CSMD1: variants seen among roughly 807,000 people sequenced by gnomAD.
CSMD1 encodes CUB and sushi domain-containing protein 1.
Under a neutral mutation model 417.5 loss-of-function variants are expected in CSMD1, and 213 were observed. The observed-to-expected ratio is 0.51, with a 90% CI of 0.46 to 0.57. CSMD1 has a LOEUF of 0.57. Among genes scored for constraint, CSMD1 ranks in the 20% least tolerant of loss-of-function variants. The pLI is 0.00. For synonymous variants in CSMD1, 2,862 were observed against 1,736.8 expected, an observed-to-expected ratio of 1.65 and a Z score of -16.11; for missense variants, 6,923 against 4,529.7, an observed-to-expected ratio of 1.53 and a Z score of -15.17.
intron 23 of CSMD1, among the ~76,000 whole-genome samples, chr8:3,313,126 G>A (rs1805479956): frequency 1.3e-5 from 2 of 152,130 alleles, no homozygotes; most frequent in South Asian, 2.1e-4. Context: ...ATCTCAGATG[G>A]ATTAAAGACT....
chr8:4,304,819 G>A (rs762260350), intron 3 of CSMD1, among the ~76,000 whole-genome samples: 1 of 152,146 alleles, frequency 6.6e-6, no homozygotes, highest in Non-Finnish European at 1.5e-5. Context: ...AGGTCATTCA[G>A]AAAACCACTG....
chr8:4,668,703 G>A (rs1206977826), intron 1 of CSMD1, among the ~76,000 whole-genome samples: 2 of 151,898 alleles, frequency 1.3e-5, no homozygotes, highest in Non-Finnish European at 1.5e-5. Context: ...CCCCGCGTCA[G>A]CCTCCCAAAA....
chr8:3,175,523 T>G lies in CSMD1; in HGVS notation c.5725+5587A>C, dbSNP rs545196634. Among the ~76,000 whole-genome samples the G allele has an allele frequency of 2.7e-3, 377 of 142,200 alleles. 2 individuals carry two copies. The highest frequency in any genetic ancestry group is 3.4e-3 in the Non-Finnish European group (217 of 63,858). 93.3% of individuals were successfully genotyped at this position (142,200 alleles called of 152,430 possible). On this transcript the variant is annotated intron_variant, in intron 37 of 69. Coordinates refer to ENST00000635120, the MANE Select transcript of CSMD1 (RefSeq NM_033225.6). ...TGCCTGCCTGCCTTTTTTCCTTCCT[T>G]CCTTCCTTCCTTCTTCCCTCCCTCC...
At chr8:4,287,910 A>G (rs1563393562) in intron 3 of CSMD1, among the ~76,000 whole-genome samples, 2 of 152,100 alleles carry the variant, frequency 1.3e-5, no homozygotes, top group African/African-American at 4.8e-5. Context: ...TTAAGCCATC[A>G]CATATCTATG....
At chr8:4,329,398 C>T (rs545157334) in intron 3 of CSMD1, among the ~76,000 whole-genome samples, 7 of 152,162 alleles carry the variant, frequency 4.6e-5, no homozygotes, top group Non-Finnish European at 7.4e-5. Flanking sequence ...AAGTGATTCT[C>T]CCACCGCAGC....
chr8:3,907,881 C>G (rs185193784), intron 5 of CSMD1, among the ~76,000 whole-genome samples: 4 of 152,306 alleles, frequency 2.6e-5, no homozygotes, highest in Non-Finnish European at 5.9e-5. Flanking sequence ...TTTCTCTCTT[C>G]TTGAGAATAT....
intron 37 of CSMD1, among the ~76,000 whole-genome samples, chr8:3,180,627 ATTTCT>A (rs1181515927): frequency 2.0e-5 from 3 of 151,994 alleles, no homozygotes; most frequent in South Asian, 2.1e-4. Context: ...CATAATGTAT[ATTTCT>A]TTTGTTTGTT....
chr8:4,915,245 G>T (rs1805972292), intron 1 of CSMD1, among the ~76,000 whole-genome samples: 1 of 152,000 alleles, frequency 6.6e-6, no homozygotes. Context: ...TGTATAACAA[G>T]AAAAATCTAA....
At chr8:3,284,420 A>T (rs1802988452) in intron 25 of CSMD1, 74 bp from the exon 26 acceptor site, 1 of 1,172,004 alleles carries the variant, frequency 8.5e-7, no homozygotes, top group East Asian at 2.4e-5. Context: ...TAAAGTAAGC[A>T]AGCTCATTTC....
intron 25 of CSMD1, among the ~76,000 whole-genome samples, chr8:3,296,585 C>T (rs1803984868): frequency 6.6e-6 from 1 of 152,120 alleles, no homozygotes; most frequent in Non-Finnish European, 1.5e-5. Flanking sequence ...GGGAAAATGA[C>T]ACTCTGTCAA....
intron 1 of CSMD1, among the ~76,000 whole-genome samples, chr8:4,993,393 T>A (rs1042751659): frequency 4.6e-5 from 7 of 152,160 alleles, no homozygotes; most frequent in African/African-American, 1.7e-4. Flanking sequence ...TCTCTCTCTG[T>A]CTCTCTCCCT....
At chr8:4,752,190 A>T (rs1327432937) in intron 1 of CSMD1, among the ~76,000 whole-genome samples, 4 of 152,162 alleles carry the variant, frequency 2.6e-5, no homozygotes, top group African/African-American at 7.2e-5. Context: ...GTAGAAAAAA[A>T]ATCACTTCAT....
chr8:3,184,819 G>A (rs1406177203), intron 36 of CSMD1, among the ~76,000 whole-genome samples: 1 of 152,026 alleles, frequency 6.6e-6, no homozygotes, highest in Non-Finnish European at 1.5e-5. Context: ...CTTCACATAA[G>A]CTCATTCTCC....
chr8:3,671,004 G>A (rs1170614516), intron 7 of CSMD1, among the ~76,000 whole-genome samples: 2 of 108,442 alleles, frequency 1.8e-5, no homozygotes, highest in African/African-American at 7.0e-5. Flanking sequence ...ATATATGTAT[G>A]GGATATATAT....
At position 4,866,730 on chromosome 8, in the gene CSMD1, A is replaced by C. The variant is rs80277147; in HGVS notation, c.85+127602T>G. On this transcript the variant is annotated intron_variant, in intron 1 of 69. Transcript: ENST00000635120. ...AATTTAACACAAACAATAATTTTCA[A>C]CCTCGATCGTTCAAACTCATTTTTT... Among the ~76,000 whole-genome samples, 1,214 of 152,080 alleles carry C rather than the reference A, an allele frequency of 8.0e-3. 35 individuals carry two copies. Among genetic ancestry groups the C allele is most frequent in the African/African-American group, 0.027 (1,136 of 41,462 alleles).
At chr8:3,770,745 C>G (rs1798522121) in intron 5 of CSMD1, among the ~76,000 whole-genome samples, 1 of 152,108 alleles carries the variant, frequency 6.6e-6, no homozygotes, top group South Asian at 2.1e-4. Flanking sequence ...CTTCCATTGC[C>G]TACTCCATTC....
chr8:4,926,538 C>A (rs1410056942), intron 1 of CSMD1, among the ~76,000 whole-genome samples: 1 of 152,074 alleles, frequency 6.6e-6, no homozygotes, highest in Non-Finnish European at 1.5e-5. Context: ...TAATTAACCT[C>A]CTTATTTAGG....
Position 4,545,120 on chromosome 8 carries a change from G to A in CSMD1, c.302+92222C>T, listed in dbSNP as rs1447961909. Among the ~76,000 whole-genome samples the A allele has an allele frequency of 3.3e-5, 5 of 152,152 alleles. No homozygotes were observed. In the East Asian group the frequency reaches 9.6e-4, roughly 29 times the overall value. ...TGTTAAGAGGGGACATAGTAACTTG[G>A]AAAGAGCACAGGTTTTAAAGTGAAA... On this transcript the variant is annotated intron_variant, in intron 2 of 69. Coordinates refer to ENST00000635120, the MANE Select transcript of CSMD1 (RefSeq NM_033225.6).
chr8:3,435,369 C>G (rs1403268919), intron 12 of CSMD1, among the ~76,000 whole-genome samples: 2 of 152,160 alleles, frequency 1.3e-5, no homozygotes, highest in Admixed American at 6.5e-5. Flanking sequence ...ATCAGCCCAG[C>G]CACCCAGTCC....
Sources: allele counts gnomAD v4.1 joint callset (sites outside exome capture counted in the v4.1 genomes callset), GRCh38; gene constraint gnomAD v4.1.1; transcripts MANE v1.5; gene names NCBI Gene and HGNC (gene_info 2026-07-23, HGNC 2026-07-21).